Variants in CACNA2D3 observed in about 807,000 individuals in gnomAD.
CACNA2D3 encodes the protein calcium voltage-gated channel auxiliary subunit alpha2delta 3.
CACNA2D3 carries 60 observed loss-of-function variants against 160.6 expected under a neutral mutation model. The ratio of observed to expected loss-of-function variants is 0.37; its 90% confidence interval spans 0.30 to 0.46. CACNA2D3 has a LOEUF of 0.46. CACNA2D3 is among the 20% of genes least tolerant of loss of function. The probability of loss-of-function intolerance (pLI) is 1.00; values close to 1 mark genes in which losing one functional copy is unlikely to be tolerated. For synonymous variants in CACNA2D3, 558 were observed against 492.9 expected, an observed-to-expected ratio of 1.13 and a Z score of -1.75; for missense variants, 1,205 against 1,365.0, an observed-to-expected ratio of 0.88 and a Z score of 1.85.
intron 2 of CACNA2D3, among the ~76,000 whole-genome samples, chr3:54,283,402 A>G (rs1236990875): frequency 2.0e-5 from 3 of 152,246 alleles, no homozygotes; most frequent in Non-Finnish European, 4.4e-5. Flanking sequence ...GTCGCAGAAT[A>G]TAATGTGAAG....
At chr3:54,506,424 A>T (rs551647877) in intron 5 of CACNA2D3, among the ~76,000 whole-genome samples, 1 of 152,062 alleles carries the variant, frequency 6.6e-6, no homozygotes, top group Non-Finnish European at 1.5e-5. Flanking sequence ...TCTGTGATCT[A>T]TGTTCTGGGG....
chr3:54,442,130 T>A lies in CACNA2D3; in HGVS notation c.381+55356T>A, dbSNP rs541399995. On this transcript the variant is annotated intron_variant, in intron 4 of 37. Coordinates refer to ENST00000474759, the MANE Select transcript of CACNA2D3 (RefSeq NM_018398.3). ...AGCTCATACGCTTAAATTGTTGATA[T>A]GGACTTAAGTAGTGGCTATATCTAG... Among the ~76,000 whole-genome samples the A allele has an allele frequency of 1.1e-4, 16 of 152,268 alleles. No homozygotes were observed. The South Asian group carries it at 2.9e-3, about 28-fold the overall frequency.
intron 3 of CACNA2D3, among the ~76,000 whole-genome samples, chr3:54,373,512 A>G (rs1024420090): frequency 6.6e-6 from 1 of 152,218 alleles, no homozygotes. Context: ...TATATTATAT[A>G]TGTAATTGGT....
At chr3:54,974,413 C>T (rs11130441) in intron 29 of CACNA2D3, among the ~76,000 whole-genome samples, 71,358 of 151,852 alleles carry the variant, frequency 0.47, 17,744 homozygotes, top group South Asian at 0.61. Context: ...GTCACACCGA[C>T]AGCAGATGTC....
chr3:54,185,964 C>T (rs1270584434), intron 2 of CACNA2D3, among the ~76,000 whole-genome samples: 3 of 152,166 alleles, frequency 2.0e-5, no homozygotes, highest in African/African-American at 4.8e-5. Flanking sequence ...TCTTGCATTC[C>T]AGGACAGCAT....
intron 37 of CACNA2D3, 22 bp from the exon 38 acceptor site, chr3:55,074,092 C>G: frequency 1.2e-6 from 2 of 1,601,234 alleles, no homozygotes; most frequent in Middle Eastern, 1.7e-4. Context: ...TCCGTCTAAC[C>G]AACCCCTGCC....
At chr3:54,965,316 G>A (rs1321478691) in intron 27 of CACNA2D3, among the ~76,000 whole-genome samples, 5 of 152,242 alleles carry the variant, frequency 3.3e-5, no homozygotes, top group African/African-American at 1.2e-4. Flanking sequence ...CTGGGTCCCC[G>A]TTCCCATTCT....
chr3:54,586,381 A>C (rs1317478849), intron 9 of CACNA2D3, among the ~76,000 whole-genome samples: 1 of 79,978 alleles, frequency 1.3e-5, no homozygotes, highest in Non-Finnish European at 3.6e-5. Flanking sequence ...TGATTCTATT[A>C]ATACCATATA....
At chr3:54,527,243 A>C (rs192612861) in intron 5 of CACNA2D3, among the ~76,000 whole-genome samples, 2 of 151,804 alleles carry the variant, frequency 1.3e-5, no homozygotes, top group Non-Finnish European at 2.9e-5. Context: ...TTCCACTACA[A>C]CCTCCACTAT....
rs756082606 is a variant in CACNA2D3 at position 54,838,563 on chromosome 3, G to T, written c.1471-5G>T. 3.1e-6 allele frequency: 5 copies of T among 1,609,486 alleles called. No homozygotes were observed. The highest frequency in any genetic ancestry group is 3.4e-6 in the Non-Finnish European group (4 of 1,176,020). ...TTATTATAATTCAATGTTTATTTTC[G>T]ACAGAGATCGAAGGGCATTCTTCTG... On this transcript the variant is annotated splice_polypyrimidine_tract_variant and splice_region_variant and intron_variant, in intron 15 of 37. Coordinates refer to ENST00000474759, the MANE Select transcript of CACNA2D3 (RefSeq NM_018398.3).
At chr3:54,691,044 C>CTG (rs1194211966) in intron 11 of CACNA2D3, among the ~76,000 whole-genome samples, 1 of 152,010 alleles carries the variant, frequency 6.6e-6, no homozygotes, top group Non-Finnish European at 1.5e-5. Flanking sequence ...GTGCGTGTGT[C>CTG]TGTGTGTGTT....
chr3:54,831,417 T>G (rs2106746181), intron 14 of CACNA2D3, among the ~76,000 whole-genome samples: 1 of 152,318 alleles, frequency 6.6e-6, no homozygotes, highest in Middle Eastern at 3.4e-3. Flanking sequence ...TTCCTCTGAA[T>G]AGAGTTATGA....
intron 11 of CACNA2D3, among the ~76,000 whole-genome samples, chr3:54,662,318 C>T (rs900132039): frequency 7.2e-5 from 11 of 152,114 alleles, no homozygotes; most frequent in African/African-American, 9.7e-5. Flanking sequence ...TCCCTGGACT[C>T]GCCTACCTGT....
chr3:54,679,958 C>T (rs1408840145), intron 11 of CACNA2D3, among the ~76,000 whole-genome samples: 1 of 152,210 alleles, frequency 6.6e-6, no homozygotes, highest in Non-Finnish European at 1.5e-5. Flanking sequence ...TCTGAGTGAA[C>T]ATTTTTGTTG....
At chr3:54,362,866 C>G (rs1200910597) in intron 3 of CACNA2D3, among the ~76,000 whole-genome samples, 1 of 152,142 alleles carries the variant, frequency 6.6e-6, no homozygotes, top group Non-Finnish European at 1.5e-5. Context: ...GAGATGGGAA[C>G]AGAAATTGAG....
chr3:54,467,605 A>G (rs941564507), intron 4 of CACNA2D3, among the ~76,000 whole-genome samples: 1 of 152,208 alleles, frequency 6.6e-6, no homozygotes, highest in African/African-American at 2.4e-5. Context: ...GAGACATTAT[A>G]TTGAGTGAAA....
chr3:54,451,760 A>G (rs1700312406), intron 4 of CACNA2D3, among the ~76,000 whole-genome samples: 1 of 152,162 alleles, frequency 6.6e-6, no homozygotes, highest in Admixed American at 6.5e-5. Context: ...GCAAGGAAAA[A>G]CTAGGCCACA....
chr3:54,387,525 G>A (rs1309494442), intron 4 of CACNA2D3, among the ~76,000 whole-genome samples: 14 of 152,112 alleles, frequency 9.2e-5, no homozygotes, highest in Non-Finnish European at 2.9e-5. Context: ...GGTAGCGCAC[G>A]CCTGTAATCC....
At chr3:54,690,166 C>A (rs761707361) in intron 11 of CACNA2D3, among the ~76,000 whole-genome samples, 4 of 152,052 alleles carry the variant, frequency 2.6e-5, no homozygotes, top group Non-Finnish European at 5.9e-5. Context: ...ACCCACCACG[C>A]CCAGCCAGTA....
Sources: allele counts gnomAD v4.1 joint callset (sites outside exome capture counted in the v4.1 genomes callset), GRCh38; gene constraint gnomAD v4.1.1; transcripts MANE v1.5; gene names NCBI Gene and HGNC (gene_info 2026-07-23, HGNC 2026-07-21).